IKBKB: variants seen among roughly 807,000 people sequenced by gnomAD.
IKBKB encodes the protein inhibitor of nuclear factor kappa B kinase subunit beta.
In IKBKB, 42 loss-of-function variants were observed where a neutral mutation model predicts 113.6. That is an observed-to-expected ratio of 0.37 (90% CI 0.29 to 0.48). IKBKB has a LOEUF of 0.48. Among genes scored for constraint, IKBKB ranks in the 20% least tolerant of loss-of-function variants. The probability of loss-of-function intolerance (pLI) is 0.99; values close to 1 mark genes in which losing one functional copy is unlikely to be tolerated. For missense variants in IKBKB, 673 were observed against 939.7 expected (o/e 0.72, Z 3.71); for synonymous variants, 296 against 361.3 (o/e 0.82, Z 2.05).
chr8:42,305,029 C>T (rs929268900), intron 5 of IKBKB, among the ~76,000 whole-genome samples, 158 bp from the exon 6 acceptor site: 4 of 152,240 alleles, frequency 2.6e-5, no homozygotes, highest in Non-Finnish European at 5.9e-5. Flanking sequence ...GAAGTTTAAG[C>T]CTCACGTAGC....
rs566090154 is a variant in IKBKB, at chr8:42,331,372, C to T, written c.*393C>T. ...TGCTTGGAGTACGGTTTGCCACACA[C>T]GTGACTGGACAGTGTCCAATTCAAA... On this transcript the variant is annotated 3_prime_UTR_variant, in exon 22 of 22. Transcript: ENST00000520810. 20 of 702,888 alleles carry T rather than the reference C, an allele frequency of 2.8e-5. No individual in the cohort carries two copies. The highest frequency in any genetic ancestry group is 1.9e-4 in the South Asian group (13 of 67,594). 43.5% of individuals were successfully genotyped at this position (702,888 alleles called of 1,614,324 possible).
At chr8:42,277,645 A>G (rs978133883) in intron 2 of IKBKB, among the ~76,000 whole-genome samples, 1 of 151,924 alleles carries the variant, frequency 6.6e-6, no homozygotes, top group East Asian at 1.9e-4. Context: ...CCTCCTCCAC[A>G]TTCCTCCAGG....
intron 7 of IKBKB, among the ~76,000 whole-genome samples, chr8:42,308,498 A>T (rs763902523): frequency 6.6e-5 from 10 of 151,950 alleles, no homozygotes; most frequent in Non-Finnish European, 1.5e-4. Flanking sequence ...GGGTTTCACC[A>T]TGTTGGCCAG....
rs200413060 is a variant in IKBKB at position 42,331,610 on chromosome 8, A to G, written c.*631A>G. ...TGCTAAAATTGTGTTTTTACCTACT[A>G]CTTTGGTGGTTGTCCTCTTTTCGGC... On this transcript the variant is annotated 3_prime_UTR_variant, in exon 22 of 22. Transcript: ENST00000520810. 5.1e-6 allele frequency: 3 copies of G among 583,292 alleles called. No individual in the cohort carries two copies. The highest frequency in any genetic ancestry group is 5.7e-5 in the East Asian group (2 of 35,132). 36.1% of individuals were successfully genotyped at this position (583,292 alleles called of 1,614,324 possible).
At position 42,329,120 on chromosome 8, in the gene IKBKB, T is replaced by A; in HGVS notation, c.2115-4T>A. 1 of 1,602,252 alleles carries A rather than the reference T, an allele frequency of 6.2e-7. No homozygotes were observed. Among genetic ancestry groups the A allele is most frequent in the Non-Finnish European group, 8.5e-7 (1 of 1,175,602 alleles). The stretch of plus-strand genomic sequence containing the variant: ...CTTTCTAATAATTTGATCATTTTCT[T>A]TAGTGAAGAACTGGTGGCTGAAGCA... On this transcript the variant is annotated splice_polypyrimidine_tract_variant and splice_region_variant and intron_variant, in intron 20 of 21. Coordinates refer to ENST00000520810, the MANE Select transcript of IKBKB (RefSeq NM_001556.3).
intron 5 of IKBKB, among the ~76,000 whole-genome samples, chr8:42,303,757 T>C (rs892222731): frequency 6.6e-6 from 1 of 152,254 alleles, no homozygotes; most frequent in Non-Finnish European, 1.5e-5. Flanking sequence ...TTCGCCCACG[T>C]TGGCCTCCCA....
At position 42,308,788 on chromosome 8, in the gene IKBKB, C is replaced by A. The variant is rs1251278857; in HGVS notation, c.568-113C>A. ...GCCCTCCTCGCCCTGCATGCATGTG[C>A]CAGTGCCCTCTAGGATGAAGCCAGG... On this transcript the variant is annotated intron_variant, in intron 7 of 21. Transcript: ENST00000520810. 6.2e-6 allele frequency: 6 copies of A among 969,022 alleles called. No individual in the cohort carries two copies. In the African/African-American group the frequency reaches 8.0e-5, roughly 13 times the overall value. 60.0% of individuals were successfully genotyped at this position (969,022 alleles called of 1,614,324 possible).
chr8:42,280,772 T>C (rs964527839), intron 2 of IKBKB, among the ~76,000 whole-genome samples: 2 of 152,130 alleles, frequency 1.3e-5, no homozygotes, highest in Admixed American at 1.3e-4. Context: ...GGAGGCAGTG[T>C]GTGTACTGGC....
At chr8:42,293,666 G>A in intron 5 of IKBKB, 154 bp downstream of exon 5, 2 of 1,335,306 alleles carry the variant, frequency 1.5e-6, no homozygotes, top group African/African-American at 1.5e-5. Flanking sequence ...GGTGGAGTAG[G>A]GAGGTCAACA....
At chr8:42,298,743 G>A (rs768087105) in intron 5 of IKBKB, among the ~76,000 whole-genome samples, 4 of 152,110 alleles carry the variant, frequency 2.6e-5, no homozygotes, top group Non-Finnish European at 5.9e-5. Context: ...TTAGGATGAG[G>A]GGTTTGGACC....
chr8:42,317,000 T>A lies in IKBKB; in HGVS notation c.1125+96T>A. 8.3e-7 allele frequency: 1 copy of A among 1,197,882 alleles called. No individual in the cohort carries two copies. The highest frequency in any genetic ancestry group is 1.2e-6 in the Non-Finnish European group (1 of 829,942). The allele number at this position is 1,197,882 out of a possible 1,614,324, so 74.2% of individuals were successfully genotyped here. On this transcript the variant is annotated intron_variant, in intron 11 of 21. Coordinates refer to ENST00000520810, the MANE Select transcript of IKBKB (RefSeq NM_001556.3). This position sits in a 1 kb window ranked among gnomAD's most constrained non-coding sequence, Gnocchi z 4.5. ...CAGATTTCAATTCTGCTTTGTCATG[T>A]AGTCTGTTAATCACACAGTGCGGAT...
chr8:42,295,783 G>T (rs1484348170), intron 5 of IKBKB, among the ~76,000 whole-genome samples: 1 of 151,960 alleles, frequency 6.6e-6, no homozygotes, highest in Non-Finnish European at 1.5e-5. Flanking sequence ...TCATATGGTT[G>T]TTTATTCTGC....
In IKBKB at chr8:42,330,910, T is replaced by G. The variant is rs1175502500; in HGVS notation, c.2206-4T>G. The stretch of plus-strand genomic sequence containing the variant: ...GTTTTTTTAACATGTCTGTTGACTT[T>G]CAGGCCCTAGACTGGAGCTGGTTAC... On this transcript the variant is annotated splice_polypyrimidine_tract_variant and splice_region_variant and intron_variant, in intron 21 of 21. Coordinates refer to ENST00000520810, the MANE Select transcript of IKBKB (RefSeq NM_001556.3). 6.2e-7 allele frequency: 1 copy of G among 1,614,254 alleles called. No homozygotes were observed. The highest frequency in any genetic ancestry group is 8.5e-7 in the Non-Finnish European group (1 of 1,180,034).
rs1465815553 is a variant in IKBKB at position 42,316,551 on chromosome 8, A to C, written c.931-159A>C. On this transcript the variant is annotated intron_variant, in intron 10 of 21. Transcript: ENST00000520810. The surrounding 1 kb of genome is among the most constrained non-coding windows in gnomAD (Gnocchi z 4.5). Reference sequence around the variant, plus strand: ...CCACAGACAGGATTATGAAAGATGCAAATATGCGAAACATGGCACATGACC... The same window carrying C: ...CCACAGACAGGATTATGAAAGATGCCAATATGCGAAACATGGCACATGACC... Among the ~76,000 whole-genome samples, 1 of 152,216 alleles carries C rather than the reference A, an allele frequency of 6.6e-6. No homozygotes were observed. Among genetic ancestry groups the C allele is most frequent in the Non-Finnish European group, 1.5e-5 (1 of 68,036 alleles).
chr8:42,271,623 G>A lies in IKBKB; in HGVS notation c.-19+154G>A, dbSNP rs113542119. The A allele has an allele frequency of 1.7e-4, 92 of 547,632 alleles. 3 individuals are homozygous for A. The highest frequency in any genetic ancestry group is 1.4e-3 in the African/African-American group (71 of 49,318). 33.9% of individuals were successfully genotyped at this position (547,632 alleles called of 1,614,324 possible). On this transcript the variant is annotated intron_variant, in intron 1 of 21. Coordinates refer to ENST00000520810, the MANE Select transcript of IKBKB (RefSeq NM_001556.3). ...TGTGCGGGTTGGAGTTCGGGAAGCC[G>A]GGAGAAACAGCTCTCCCTGGGGTGG...
At chr8:42,284,925 C>T (rs201461409) in intron 2 of IKBKB, among the ~76,000 whole-genome samples, 38 of 144,206 alleles carry the variant, frequency 2.6e-4, no homozygotes, top group East Asian at 4.2e-4. Context: ...GGCACGATCT[C>T]GGTTCACTGC....
intron 21 of IKBKB, chr8:42,329,500 G>A: frequency 2.3e-6 from 2 of 860,042 alleles, no homozygotes; most frequent in Non-Finnish European, 2.8e-6. Context: ...TTTTTTCAGT[G>A]TATATTTATA....
At chr8:42,310,586 A>G (rs1305589637) in intron 8 of IKBKB, among the ~76,000 whole-genome samples, 1 of 152,232 alleles carries the variant, frequency 6.6e-6, no homozygotes, top group Non-Finnish European at 1.5e-5. Flanking sequence ...ACAAAAAATT[A>G]TTATTTTGAA....
chr8:42,287,423 G>A (rs1249451994), intron 2 of IKBKB, among the ~76,000 whole-genome samples: 2 of 152,276 alleles, frequency 1.3e-5, no homozygotes, highest in Admixed American at 1.3e-4. Context: ...ACCTGTTACA[G>A]GAGTATAGCA....
Sources: allele counts gnomAD v4.1 joint callset (sites outside exome capture counted in the v4.1 genomes callset), GRCh38; gene constraint gnomAD v4.1.1; non-coding constraint Gnocchi (gnomAD v3.1); transcripts MANE v1.5; gene names NCBI Gene and HGNC (gene_info 2026-07-23, HGNC 2026-07-21).